DNAJC2: variants seen among roughly 807,000 people sequenced by gnomAD.
The protein encoded by DNAJC2 is dnaJ homolog subfamily C member 2.
A neutral mutation model predicts 94.0 loss-of-function variants in DNAJC2; 32 were observed. The observed-to-expected ratio is 0.34, with a 90% confidence interval of 0.26 to 0.46. The LOEUF (loss-of-function observed/expected upper bound fraction) is 0.46. DNAJC2 is among the 20% of genes least tolerant of loss of function. The probability of loss-of-function intolerance (pLI) is 1.00; values close to 1 mark genes in which losing one functional copy is unlikely to be tolerated. For missense variants in DNAJC2, 550 were observed against 719.5 expected (o/e 0.76, Z 2.69); for synonymous variants, 210 against 229.7 (o/e 0.91, Z 0.77).
rs530867878 is a variant in DNAJC2, at chr7:103,326,551, C to G, written c.564G>C (p.Arg188Ser). The G allele has an allele frequency of 1.7e-5, 27 of 1,613,904 alleles. No homozygotes were observed. The South Asian group carries it at 2.1e-4, about 12-fold the overall frequency. Reference sequence around the variant, plus strand: ...GGGATGCCTTAACTTACCTGGAATTCCTTTCAAACACTGGGGTAAACACTT... The same window carrying G: ...GGGATGCCTTAACTTACCTGGAATTGCTTTCAAACACTGGGGTAAACACTT... ...FFEVFTPVFE[R>S]NSRWSNKKNV... Residue 188 changes from arginine to serine, a missense_variant, in exon 5 of 17, where the codon AGG becomes AGC. By Grantham distance (110) the Arg-to-Ser change is moderately radical. This residue lies in a region of DNAJC2 where 279 missense variants were observed against 416.9 expected (regional missense o/e 0.67). Coordinates refer to ENST00000379263, the MANE Select transcript of DNAJC2 (RefSeq NM_014377.3).
At chr7:103,316,634 G>A in intron 13 of DNAJC2, 196 bp downstream of exon 13, 1 of 578,016 alleles carries the variant, frequency 1.7e-6, no homozygotes, top group South Asian at 2.2e-5. Context: ...TCTGTCATAT[G>A]TATATGTGCA....
At chr7:103,339,152 C>A (rs993915957) in intron 2 of DNAJC2, among the ~76,000 whole-genome samples, 4 of 152,138 alleles carry the variant, frequency 2.6e-5, no homozygotes, top group African/African-American at 9.7e-5. Context: ...GAACTTATGG[C>A]TACATGTTCT....
At position 103,323,680 on chromosome 7, in the gene DNAJC2, T is replaced by C. The variant is rs768465594; in HGVS notation, c.654-17A>G. ...AAATTATACCTAATATAGACAGAAA[T>C]AATACATGATCAAGACAGAATAAAT... On this transcript the variant is annotated splice_polypyrimidine_tract_variant and intron_variant, in intron 6 of 16. Coordinates refer to ENST00000379263, the MANE Select transcript of DNAJC2 (RefSeq NM_014377.3). The C allele has an allele frequency of 3.6e-6, 5 of 1,385,268 alleles. No individual in the cohort carries two copies. The highest frequency in any genetic ancestry group is 1.4e-5 in the South Asian group (1 of 73,684). The allele number at this position is 1,385,268 out of a possible 1,614,324, so 85.8% of individuals were successfully genotyped here.
intron 15 of DNAJC2, chr7:103,313,963 G>T (rs765923144): frequency 3.7e-5 from 36 of 985,230 alleles, no homozygotes; most frequent in Non-Finnish European, 4.3e-5. Context: ...AGAAACTGCG[G>T]CCTGTGAGAT....
Position 103,327,778 on chromosome 7 carries a change from T to C in DNAJC2, c.332-24A>G, listed in dbSNP as rs749980939. On this transcript the variant is annotated intron_variant, in intron 3 of 16. Transcript: ENST00000379263. ...ATCTACAAAACCAGTCAGATTGAGATAATTTGTCACTTTAAGCACCAAAAA... is the reference window on the plus strand; with the variant it reads ...ATCTACAAAACCAGTCAGATTGAGACAATTTGTCACTTTAAGCACCAAAAA... 5 of 1,540,400 alleles carry C rather than the reference T, an allele frequency of 3.2e-6. No individual in the cohort carries two copies. The South Asian group carries it at 4.6e-5, about 14-fold the overall frequency.
At chr7:103,321,169 G>A (rs1397575363) in intron 10 of DNAJC2, among the ~76,000 whole-genome samples, 1 of 152,144 alleles carries the variant, frequency 6.6e-6, no homozygotes, top group African/African-American at 2.4e-5. Context: ...CTGCACTCCA[G>A]CCTGAGTGAC....
At chr7:103,339,979 C>T (rs2116050863) in intron 2 of DNAJC2, among the ~76,000 whole-genome samples, 1 of 152,280 alleles carries the variant, frequency 6.6e-6, no homozygotes, top group Non-Finnish European at 1.5e-5. Context: ...GCTGCGATTA[C>T]AGGCATGTGC....
chr7:103,334,377 C>T (rs1222692344), intron 3 of DNAJC2, among the ~76,000 whole-genome samples: 1 of 151,504 alleles, frequency 6.6e-6, no homozygotes, highest in African/African-American at 2.4e-5. Flanking sequence ...GCCTGGTCAA[C>T]GTGGTGAAAC....
At position 103,344,733 on chromosome 7, in the gene DNAJC2, A is replaced by C; in HGVS notation, c.-111T>G. 1 of 1,145,376 alleles carries C rather than the reference A, an allele frequency of 8.7e-7. No individual in the cohort carries two copies. The highest frequency in any genetic ancestry group is 1.3e-6 in the Non-Finnish European group (1 of 785,280). 71.0% of individuals were successfully genotyped at this position (1,145,376 alleles called of 1,614,324 possible). On this transcript the variant is annotated 5_prime_UTR_variant, in exon 1 of 17. Coordinates refer to ENST00000379263, the MANE Select transcript of DNAJC2 (RefSeq NM_014377.3). ...CTCCGAGCCTCGCGCCTTGGCTCTA[A>C]GACGCCCAGGAACCGGCGCATGGAG...
At position 103,312,597 on chromosome 7, in the gene DNAJC2, A is replaced by G. The variant is rs1412907587; in HGVS notation, c.1838T>C (p.Val613Ala). 1.9e-6 allele frequency: 3 copies of G among 1,613,510 alleles called. No homozygotes were observed. Among genetic ancestry groups the G allele is most frequent in the African/African-American group, 2.7e-5 (2 of 74,930 alleles). ...TTTCTTGGCTCTACTTGCATTCAGC[A>G]CTTGTTCTTGAGCAGCTTTCTTTGC... is the stretch of plus-strand genomic sequence containing the variant. ...VKAKKAAQEQ[V>A]LNASRAKK The change falls in exon 17 of 17, where the codon GTG becomes GCG. Residue 613 changes from valine (V) to alanine (A), a missense_variant. Physicochemically the swap from Val to Ala is moderately conservative, Grantham distance 64 (BLOSUM62 0). Around this residue, in one of 2 missense-constraint regions of DNAJC2, gnomAD observed 271 missense variants for 302.6 expected, o/e 0.90. Transcript: ENST00000379263.
At chr7:103,332,247 C>A (rs1348717164) in intron 3 of DNAJC2, among the ~76,000 whole-genome samples, 1 of 152,174 alleles carries the variant, frequency 6.6e-6, no homozygotes, top group Admixed American at 6.5e-5. Context: ...CCTCATGATC[C>A]GCCCGCCTTG....
At chr7:103,333,601 A>T (rs1386869646) in intron 3 of DNAJC2, among the ~76,000 whole-genome samples, 1 of 152,176 alleles carries the variant, frequency 6.6e-6, no homozygotes, top group Non-Finnish European at 1.5e-5. Flanking sequence ...CTACTATCCA[A>T]AGGAAAATAT....
At chr7:103,312,863 C>T (rs1187232515) in intron 16 of DNAJC2, 84 bp downstream of exon 16, 5 of 1,540,626 alleles carry the variant, frequency 3.2e-6, no homozygotes, top group South Asian at 1.3e-5. Flanking sequence ...ATATTATTAA[C>T]CACTTAATAG....
At chr7:103,319,560 G>C (rs1312214125) in intron 12 of DNAJC2, 49 bp downstream of exon 12, 1 of 1,563,916 alleles carries the variant, frequency 6.4e-7, no homozygotes, top group South Asian at 1.1e-5. Context: ...ACAGGTCAAA[G>C]CAGAATTAAA....
intron 12 of DNAJC2, among the ~76,000 whole-genome samples, chr7:103,318,165 T>G (rs1221624767): frequency 6.6e-6 from 1 of 151,566 alleles, no homozygotes; most frequent in Non-Finnish European, 1.5e-5. Flanking sequence ...ATAACATTTT[T>G]TTTTTGTCTG....
chr7:103,318,250 T>TG (rs2115816267), intron 12 of DNAJC2, among the ~76,000 whole-genome samples: 1 of 152,224 alleles, frequency 6.6e-6, no homozygotes, highest in South Asian at 2.1e-4. Context: ...ACTGCAGCTG[T>TG]GACCTCCCAG....
intron 5 of DNAJC2, 180 bp from the exon 6 acceptor site, chr7:103,324,742 G>T (rs1818611974): frequency 2.0e-6 from 1 of 502,972 alleles, no homozygotes. Flanking sequence ...AACAATGCAG[G>T]TGTGCGAAAA....
intron 15 of DNAJC2, chr7:103,313,459 A>AT: frequency 1.0e-6 from 1 of 985,058 alleles, no homozygotes; most frequent in Non-Finnish European, 1.2e-6. Flanking sequence ...ACCACAATTC[A>AT]TTAAGAGTTC....
chr7:103,338,846 G>T (rs1819276163), intron 2 of DNAJC2, among the ~76,000 whole-genome samples: 1 of 152,130 alleles, frequency 6.6e-6, no homozygotes, highest in East Asian at 2.0e-4. Context: ...GGAGGCGGAG[G>T]TTGCAGTGGG....
Sources: allele counts gnomAD v4.1 joint callset (sites outside exome capture counted in the v4.1 genomes callset), GRCh38; gene constraint gnomAD v4.1.1; regional missense constraint gnomAD v4.1.1; transcripts MANE v1.5; gene names NCBI Gene and HGNC (gene_info 2026-07-23, HGNC 2026-07-21).